Variants in LOXHD1 observed in about 807,000 individuals in gnomAD.
The protein encoded by LOXHD1 is lipoxygenase homology domain-containing protein 1.
A neutral mutation model predicts 248.2 loss-of-function variants in LOXHD1; 205 were observed. That is an observed-to-expected ratio of 0.83 (90% CI 0.74 to 0.93). LOXHD1 has a LOEUF of 0.93. Among genes scored for constraint, LOXHD1 ranks in the 40% least tolerant of loss-of-function variants. LOXHD1 has a pLI of 0.00. For missense variants in LOXHD1, 2,930 were observed against 2,971.6 expected (o/e 0.99, Z 0.33); for synonymous variants, 1,113 against 1,162.8 (o/e 0.96, Z 0.87).
chr18:46,511,983 C>T (rs2034989754), intron 34 of LOXHD1, among the ~76,000 whole-genome samples: 2 of 152,170 alleles, frequency 1.3e-5, no homozygotes, highest in South Asian at 2.1e-4. Flanking sequence ...CCCCATCTTG[C>T]CTTTAGCCTT....
chr18:46,615,359 G>A (rs1300360200), intron 5 of LOXHD1, among the ~76,000 whole-genome samples: 2 of 152,184 alleles, frequency 1.3e-5, no homozygotes, highest in Admixed American at 1.3e-4. Context: ...GGGTAACAGG[G>A]ACCTGCATAG....
chr18:46,634,284 T>G (rs2038864356), intron 4 of LOXHD1, among the ~76,000 whole-genome samples: 1 of 152,220 alleles, frequency 6.6e-6, no homozygotes, highest in African/African-American at 2.4e-5. Flanking sequence ...ATAGCATGGA[T>G]TAAATCTGAA....
intron 25 of LOXHD1, 67 bp from the exon 26 acceptor site, chr18:46,538,404 C>G (rs1021793861): frequency 6.9e-7 from 1 of 1,456,154 alleles, no homozygotes; most frequent in African/African-American, 1.4e-5. Context: ...ATGGTGAGAG[C>G]CAGTTCTTCA....
At chr18:46,494,077 C>T (rs1394813153) in intron 37 of LOXHD1, among the ~76,000 whole-genome samples, 2 of 152,194 alleles carry the variant, frequency 1.3e-5, no homozygotes, top group Admixed American at 1.3e-4. Context: ...GCAATGCCCT[C>T]CAAAATCCCC....
Position 46,618,262 on chromosome 18 carries a change from A to C in LOXHD1, c.540T>G (p.Thr180=), listed in dbSNP as rs1278239808. 2 of 1,551,364 alleles carry C rather than the reference A, an allele frequency of 1.3e-6. No individual in the cohort carries two copies. The highest frequency in any genetic ancestry group is 2.4e-5 in the East Asian group (1 of 40,916). ...RGNKYEVKVY[T]GDVIGAGTDA... ...CTGTCCCTGCACCAATTACATCACC[A>C]GTGTATACCTTGACTTCATACTTAT... The change falls in exon 5 of 41, where the codon ACT becomes ACG. Residue 180 remains threonine, a synonymous_variant. Coordinates refer to ENST00000642948, the MANE Select transcript of LOXHD1 (RefSeq NM_001384474.1).
intron 38 of LOXHD1, among the ~76,000 whole-genome samples, chr18:46,485,363 T>C (rs779583411): frequency 6.6e-6 from 1 of 151,994 alleles, no homozygotes; most frequent in East Asian, 1.9e-4. Flanking sequence ...ATTTTATTTA[T>C]AGTAGCAACC....
chr18:46,534,374 G>T lies in LOXHD1; in HGVS notation c.4173C>A (p.Cys1391Ter). 1 of 1,551,682 alleles carries T rather than the reference G, an allele frequency of 6.4e-7. No homozygotes were observed. The highest frequency in any genetic ancestry group is 8.7e-7 in the Non-Finnish European group (1 of 1,146,970). Residue 1391 changes from cysteine (C) to a stop codon, truncating the protein, a stop_gained, in exon 27 of 41, where the codon TGC becomes TGA. Coordinates refer to ENST00000642948, the MANE Select transcript of LOXHD1 (RefSeq NM_001384474.1). LOFTEE classifies it high-confidence loss of function. Reference protein sequence around the residue: ...NNTGMNPGWHCSHVDIRRLLP... With the variant: ...NNTGMNPGWH ...GGAGCCTGCGGATGTCCACGTGAGA[G>T]CAGTGCCACCCAGGATTCATGCCCG...
intron 33 of LOXHD1, among the ~76,000 whole-genome samples, chr18:46,520,094 C>T (rs1254432503): frequency 6.6e-6 from 1 of 152,158 alleles, no homozygotes; most frequent in Non-Finnish European, 1.5e-5. Context: ...CCCACACCAT[C>T]CGTCTGGCCA....
chr18:46,597,062 A>G (rs145259775), intron 8 of LOXHD1, among the ~76,000 whole-genome samples: 91 of 152,350 alleles, frequency 6.0e-4, no homozygotes, highest in Non-Finnish European at 5.9e-5. Flanking sequence ...AAGCAACTCT[A>G]TAAAACAATG....
At position 46,477,691 on chromosome 18, in the gene LOXHD1, G is replaced by T. The variant is rs755887594; in HGVS notation, c.6603C>A (p.Gly2201=). The T allele has an allele frequency of 6.4e-7, 1 of 1,551,852 alleles. No individual in the cohort carries two copies. Among genetic ancestry groups the T allele is most frequent in the South Asian group, 1.2e-5 (1 of 84,062 alleles). The change falls in exon 41 of 41, where the codon GGC becomes GGA. Residue 2201 remains glycine, a synonymous_variant. Coordinates refer to ENST00000642948, the MANE Select transcript of LOXHD1 (RefSeq NM_001384474.1). ...KQKMRNLFER[G]STDRFFLETL... is the part of the protein sequence containing the mutation. ...TCTCCAGGAAGAAGCGGTCTGTGCT[G>T]CCCCGCTCGAAGAGGTTGCGCATTT... is the stretch of plus-strand genomic sequence containing the variant.
chr18:46,525,006 C>T (rs1308851086), intron 29 of LOXHD1, 89 bp from the exon 30 acceptor site: 2 of 1,427,948 alleles, frequency 1.4e-6, no homozygotes, highest in Admixed American at 2.0e-5. Flanking sequence ...TTCCTTCCCC[C>T]TCAGTTGCTG....
intron 37 of LOXHD1, among the ~76,000 whole-genome samples, chr18:46,495,340 C>G (rs2143727639): frequency 6.6e-6 from 1 of 152,210 alleles, no homozygotes; most frequent in Middle Eastern, 3.4e-3. Context: ...CTTGATTTTC[C>G]TCTATGAACT....
At chr18:46,518,774 G>T in intron 33 of LOXHD1, 1 of 664,954 alleles carries the variant, frequency 1.5e-6, no homozygotes, top group Non-Finnish European at 1.9e-6. Flanking sequence ...CACCTGTGCA[G>T]CCCCAAGCAG....
At chr18:46,575,973 C>A (rs1422340499) in intron 14 of LOXHD1, among the ~76,000 whole-genome samples, 1 of 152,144 alleles carries the variant, frequency 6.6e-6, no homozygotes, top group Non-Finnish European at 1.5e-5. Context: ...CAGTCCTTTC[C>A]CCTGGTGCTC....
intron 23 of LOXHD1, among the ~76,000 whole-genome samples, chr18:46,544,545 G>C (rs1266098004): frequency 1.3e-5 from 2 of 152,170 alleles, no homozygotes; most frequent in Non-Finnish European, 2.9e-5. Context: ...TGTTTATTGA[G>C]TGCCACTTTG....
intron 1 of LOXHD1, among the ~76,000 whole-genome samples, chr18:46,654,413 A>C (rs2144411650): frequency 6.6e-6 from 1 of 152,274 alleles, no homozygotes; most frequent in Middle Eastern, 3.4e-3. Context: ...CCGGGGCTGG[A>C]AGCCTGTGCA....
Position 46,477,417 on chromosome 18 carries a change from A to G in LOXHD1, c.*55T>C, listed in dbSNP as rs535748154. On this transcript the variant is annotated 3_prime_UTR_variant, in exon 41 of 41. Coordinates refer to ENST00000642948, the MANE Select transcript of LOXHD1 (RefSeq NM_001384474.1). ...GAAGGGCTGCTGACCGCCAAGGTGG[A>G]GGGCAGAAATGTGAGATTGGGGCAT... is the stretch of plus-strand genomic sequence containing the variant. 36 of 1,530,274 alleles carry G rather than the reference A, an allele frequency of 2.4e-5. No individual in the cohort carries two copies. The African/African-American group carries it at 4.4e-4, about 19-fold the overall frequency. 94.8% of individuals were successfully genotyped at this position (1,530,274 alleles called of 1,614,324 possible). A position where few individuals can be genotyped will look rare whatever the true frequency, so the allele number is the denominator to read the frequency against.
chr18:46,631,173 G>A (rs1164040721), intron 4 of LOXHD1, among the ~76,000 whole-genome samples: 1 of 152,190 alleles, frequency 6.6e-6, no homozygotes, highest in Non-Finnish European at 1.5e-5. Context: ...AGGTAGATAG[G>A]AGGAGACCGC....
At chr18:46,646,722 G>A (rs117108612) in intron 2 of LOXHD1, among the ~76,000 whole-genome samples, 2 of 152,242 alleles carry the variant, frequency 1.3e-5, no homozygotes, top group Non-Finnish European at 2.9e-5. Context: ...GTTCCCCTCA[G>A]TCTAAAGGAC....
Sources: allele counts gnomAD v4.1 joint callset (sites outside exome capture counted in the v4.1 genomes callset), GRCh38; gene constraint gnomAD v4.1.1; transcripts MANE v1.5; gene names NCBI Gene and HGNC (gene_info 2026-07-23, HGNC 2026-07-21).